Variants in SBF2 observed in about 807,000 individuals in gnomAD.
SBF2 encodes the protein myotubularin-related protein 13.
Under a neutral mutation model 225.2 loss-of-function variants are expected in SBF2, and 112 were observed. That is an observed-to-expected ratio of 0.50 (90% CI 0.43 to 0.58). The LOEUF is 0.58. Among genes scored for constraint, SBF2 ranks in the 20% least tolerant of loss-of-function variants. The pLI, the probability that SBF2 is intolerant of heterozygous loss-of-function variation, is 0.00. For synonymous variants in SBF2, 763 were observed against 773.3 expected, an observed-to-expected ratio of 0.99 and a Z score of 0.22; for missense variants, 1,996 against 2,206.2, an observed-to-expected ratio of 0.90 and a Z score of 1.91.
chr11:9,796,888 T>C (rs749166799), intron 32 of SBF2, among the ~76,000 whole-genome samples: 2 of 152,196 alleles, frequency 1.3e-5, no homozygotes, highest in Non-Finnish European at 2.9e-5. Flanking sequence ...CATTGAGCTA[T>C]AGCATGCTTT....
intron 2 of SBF2, among the ~76,000 whole-genome samples, chr11:10,135,593 T>A (rs185683531): frequency 1.1e-4 from 17 of 152,268 alleles, no homozygotes; most frequent in African/African-American, 4.1e-4. Context: ...AAATCAACTC[T>A]CTCAAGTTCA....
chr11:10,200,894 A>G (rs1346865395), intron 1 of SBF2, among the ~76,000 whole-genome samples: 1 of 152,230 alleles, frequency 6.6e-6, no homozygotes, highest in Non-Finnish European at 1.5e-5. Flanking sequence ...AAAATTCATC[A>G]ATATTGGCAT....
At chr11:10,193,547 G>T (rs375510052) in intron 2 of SBF2, among the ~76,000 whole-genome samples, 1 of 151,826 alleles carries the variant, frequency 6.6e-6, no homozygotes, top group African/African-American at 2.4e-5. Flanking sequence ...TAGAGACAGC[G>T]TTTCACCGTG....
chr11:9,923,935 T>C (rs1863829610), intron 16 of SBF2, among the ~76,000 whole-genome samples: 1 of 152,208 alleles, frequency 6.6e-6, no homozygotes, highest in Admixed American at 6.5e-5. Context: ...GTTCCATTAA[T>C]TAAAAAGCAA....
intron 2 of SBF2, among the ~76,000 whole-genome samples, chr11:10,103,548 T>C (rs1408578967): frequency 6.6e-6 from 1 of 152,246 alleles, no homozygotes; most frequent in Non-Finnish European, 1.5e-5. Flanking sequence ...ATTTTGTCTT[T>C]ACCTGTGGCT....
intron 17 of SBF2, among the ~76,000 whole-genome samples, chr11:9,887,449 A>C (rs540061752): frequency 3.9e-5 from 6 of 152,206 alleles, no homozygotes; most frequent in African/African-American, 1.4e-4. Flanking sequence ...AGTAGGATAG[A>C]GGAACAGTTT....
intron 6 of SBF2, chr11:10,016,660 G>T (rs922452004): frequency 2.0e-5 from 3 of 152,048 alleles, no homozygotes; most frequent in Non-Finnish European, 4.4e-5. Flanking sequence ...CTAATTTTTT[G>T]TATTTTTAGT....
intron 13 of SBF2, among the ~76,000 whole-genome samples, chr11:9,985,865 G>A (rs1256263198): frequency 1.3e-5 from 2 of 152,172 alleles, no homozygotes; most frequent in African/African-American, 2.4e-5. Context: ...GGCAGCATTA[G>A]ACAGGTCATC....
chr11:9,958,353 C>T (rs1469962856), intron 16 of SBF2: 6 of 149,234 alleles, frequency 4.0e-5, no homozygotes, highest in East Asian at 2.0e-4. Context: ...ATATTCCATC[C>T]TTTCTTTTTT....
At chr11:9,868,088 T>C (rs1017071540) in intron 17 of SBF2, among the ~76,000 whole-genome samples, 4 of 152,162 alleles carry the variant, frequency 2.6e-5, no homozygotes, top group Admixed American at 6.6e-5. Context: ...ACACACCGTA[T>C]ACATGTATCA....
At chr11:9,924,338 T>C (rs576065794) in intron 16 of SBF2, among the ~76,000 whole-genome samples, 1 of 152,350 alleles carries the variant, frequency 6.6e-6, no homozygotes, top group South Asian at 2.1e-4. Flanking sequence ...TGCCCAACTG[T>C]AGGCTAACGT....
chr11:9,914,352 G>C (rs1238946637), intron 16 of SBF2, among the ~76,000 whole-genome samples: 1 of 152,190 alleles, frequency 6.6e-6, no homozygotes, highest in Non-Finnish European at 1.5e-5. Context: ...TCATGGCTGA[G>C]GAAAGAATCT....
At chr11:10,196,091 A>T (rs1377265140) in intron 1 of SBF2, among the ~76,000 whole-genome samples, 1 of 152,226 alleles carries the variant, frequency 6.6e-6, no homozygotes, top group East Asian at 1.9e-4. Context: ...TGATAGAAAG[A>T]CCATACAAAA....
At chr11:9,927,904 T>A (rs979653799) in intron 16 of SBF2, among the ~76,000 whole-genome samples, 3 of 152,164 alleles carry the variant, frequency 2.0e-5, no homozygotes, top group African/African-American at 7.2e-5. Flanking sequence ...CAACTCTATA[T>A]CTGTTTGTAA....
intron 6 of SBF2, among the ~76,000 whole-genome samples, chr11:10,006,723 C>G (rs1284291592): frequency 2.6e-5 from 4 of 152,228 alleles, no homozygotes; most frequent in African/African-American, 9.6e-5. Flanking sequence ...CTTCCTCCCA[C>G]TTCCTCCTGG....
At chr11:9,959,741 C>T in intron 16 of SBF2, 1 of 680,018 alleles carries the variant, frequency 1.5e-6, no homozygotes, top group Non-Finnish European at 2.8e-6. Context: ...GACATGTACA[C>T]CTGCTTGACG....
intron 1 of SBF2, among the ~76,000 whole-genome samples, chr11:10,231,116 T>C (rs1958823947): frequency 6.6e-6 from 1 of 152,236 alleles, no homozygotes; most frequent in African/African-American, 2.4e-5. Flanking sequence ...TACTGAGGCT[T>C]GTGCATTCGT....
chr11:10,080,539 AAGAC>A (rs757766332), intron 2 of SBF2, among the ~76,000 whole-genome samples: 6 of 152,056 alleles, frequency 3.9e-5, no homozygotes, highest in Non-Finnish European at 7.4e-5. Flanking sequence ...TAAACCTAAA[AAGAC>A]AGAGAAAAAA....
intron 13 of SBF2, among the ~76,000 whole-genome samples, chr11:9,989,167 A>G (rs970584182): frequency 6.6e-6 from 1 of 152,118 alleles, no homozygotes; most frequent in African/African-American, 2.4e-5. Context: ...ATAGGAGACT[A>G]TTATTCTAAG....
Sources: gnomAD v4.1 joint callset for allele counts (sites outside exome capture counted in the v4.1 genomes callset) on GRCh38, gnomAD v4.1.1 for gene constraint, MANE v1.5 for transcripts, NCBI Gene and HGNC (gene_info 2026-07-23, HGNC 2026-07-21) for gene names.